The following DDX17 variants were observed in gnomAD, a reference collection of about 807,000 sequenced individuals.
The protein encoded by DDX17 is probable ATP-dependent RNA helicase DDX17.
A neutral mutation model predicts 80.8 loss-of-function variants in DDX17; 10 were observed. The ratio of observed to expected loss-of-function variants is 0.12; its 90% CI spans 0.08 to 0.21. The LOEUF (loss-of-function observed/expected upper bound fraction) is 0.21, where lower values mean the gene tolerates loss of function less well. Among genes scored for constraint, DDX17 ranks in the 10% least tolerant of loss-of-function variants. The pLI is 1.00. For synonymous variants in DDX17, 339 were observed against 336.2 expected, an observed-to-expected ratio of 1.01 and a Z score of -0.09; for missense variants, 586 against 957.4, an observed-to-expected ratio of 0.61 and a Z score of 5.12.
At position 38,493,924 on chromosome 22, in the gene DDX17, G is replaced by C. The variant is rs1048784211; in HGVS notation, c.1325+97C>G. The C allele has an allele frequency of 1.7e-5, 20 of 1,193,260 alleles. No individual in the cohort carries two copies. In the African/African-American group the frequency reaches 2.4e-4, roughly 15 times the overall value. The allele number at this position is 1,193,260 out of a possible 1,614,324, so 73.9% of individuals were successfully genotyped here. A position where few individuals can be genotyped will look rare whatever the true frequency, so the allele number is the denominator to read the frequency against. On this transcript the variant is annotated intron_variant, in intron 9 of 12. Coordinates refer to ENST00000403230, the MANE Select transcript of DDX17 (RefSeq NM_006386.5). Reference sequence around the variant, plus strand: ...ATTAAAAGAGCAAACTGCATGGATAGGCATTATTGAAATATTACACAACAT... The same window carrying C: ...ATTAAAAGAGCAAACTGCATGGATACGCATTATTGAAATATTACACAACAT...
chr22:38,487,836 G>T (rs756354463), intron 12 of DDX17, 43 bp downstream of exon 12: 1 of 1,609,898 alleles, frequency 6.2e-7, no homozygotes, highest in South Asian at 1.1e-5. Context: ...GGCGTAAAGA[G>T]ATACCTTGGC....
chr22:38,502,640 T>C (rs1602686377), intron 1 of DDX17, among the ~76,000 whole-genome samples: 1 of 152,198 alleles, frequency 6.6e-6, no homozygotes, highest in African/African-American at 2.4e-5. Flanking sequence ...AATACAAATA[T>C]GACCACTAGC....
rs1048558785 is a variant in DDX17 at position 38,489,071 on chromosome 22, CTACT to C, written c.1448-960_1448-957del. On this transcript the variant is annotated intron_variant, in intron 11 of 12. Transcript: ENST00000403230. This position sits in a 1 kb window ranked among gnomAD's most constrained non-coding sequence, Gnocchi z 4.6. ...CTTTCAGCTGAATGTATATTTTTAC[CTACT>C]TAAACAAACAATTTTAAGAATATAA... 4.6e-5 allele frequency: 45 copies of C among 984,132 alleles called. No individual in the cohort carries two copies. Among genetic ancestry groups the C allele is most frequent in the African/African-American group, 3.3e-4 (19 of 57,254 alleles). The allele number at this position is 984,132 out of a possible 1,614,324, so 61.0% of individuals were successfully genotyped here.
At position 38,506,176 on chromosome 22, in the gene DDX17, G is replaced by T. The variant is rs768727181; in HGVS notation, c.62C>A (p.Ala21Glu). 6.3e-7 allele frequency: 1 copy of T among 1,599,188 alleles called. No homozygotes were observed. The highest frequency in any genetic ancestry group is 1.3e-5 in the African/African-American group (1 of 74,504). The change falls in exon 1 of 13, where the codon GCG (alanine) becomes GAG (glutamate). Residue 21 changes from alanine to glutamate, a missense_variant. Transcript: ENST00000403230. ...TCCCGTCGCAGACGCCACCGTCGCC[G>T]CCTCTCTCGTCGGAGACGGGAGCAA...
chr22:38,502,868 A>G (rs1448448755), intron 1 of DDX17, among the ~76,000 whole-genome samples: 1 of 152,190 alleles, frequency 6.6e-6, no homozygotes, highest in Admixed American at 6.5e-5. Flanking sequence ...CATCTTATAT[A>G]AAGTTCCACT....
Position 38,489,422 on chromosome 22 carries a change from C to T in DDX17, c.1448-1307G>A, listed in dbSNP as rs2089692319. On this transcript the variant is annotated intron_variant, in intron 11 of 12. Transcript: ENST00000403230. The surrounding 1 kb of genome is among the most constrained non-coding windows in gnomAD (Gnocchi z 4.6). ...GCTCTGTGAACTGGCTTAGATGCTTCTCTGTAGCCCCATTTGGTTGCCAAG... is the reference window on the plus strand; with the variant it reads ...GCTCTGTGAACTGGCTTAGATGCTTTTCTGTAGCCCCATTTGGTTGCCAAG... 1 of 985,662 alleles carries T rather than the reference C, an allele frequency of 1.0e-6. No homozygotes were observed. The highest frequency in any genetic ancestry group is 1.1e-4 in the East Asian group (1 of 8,822). 61.1% of individuals were successfully genotyped at this position (985,662 alleles called of 1,614,324 possible).
chr22:38,496,300 T>C (rs2089766319), intron 5 of DDX17, among the ~76,000 whole-genome samples: 1 of 152,202 alleles, frequency 6.6e-6, no homozygotes. Flanking sequence ...AAAACCAAAA[T>C]GCTCCAGCAA....
chr22:38,494,264 G>C, intron 8 of DDX17, 133 bp from the exon 9 acceptor site: 1 of 651,548 alleles, frequency 1.5e-6, no homozygotes, highest in Non-Finnish European at 2.6e-6. Context: ...ATAACTATTA[G>C]AGTACTGAGT....
chr22:38,491,978 G>C, intron 11 of DDX17, 78 bp downstream of exon 11: 1 of 1,046,110 alleles, frequency 9.6e-7, no homozygotes, highest in Non-Finnish European at 1.4e-6. Context: ...TTCTAAACTT[G>C]AAGTCTGAAT....
intron 4 of DDX17, 90 bp from the exon 5 acceptor site, chr22:38,498,240 GA>G (rs2089790174): frequency 6.7e-7 from 1 of 1,497,090 alleles, no homozygotes; most frequent in East Asian, 2.3e-5. Context: ...GCATAAATAG[GA>G]AAGTGAAAAA....
intron 9 of DDX17, 44 bp from the exon 10 acceptor site, chr22:38,493,815 T>A: frequency 6.3e-7 from 1 of 1,590,958 alleles, no homozygotes; most frequent in South Asian, 1.1e-5. Flanking sequence ...TCTTTTAAAG[T>A]GGAGAAAATC....
rs1200591587 is a variant in DDX17, at chr22:38,483,898, GTT to G, written c.*2035_*2036del. 1 of 152,180 alleles carries G rather than the reference GTT, an allele frequency of 6.6e-6. No homozygotes were observed. The highest frequency in any genetic ancestry group is 2.4e-5 in the African/African-American group (1 of 41,440). The allele number at this position is 152,180 out of a possible 1,614,324, so 9.4% of individuals were successfully genotyped here. A position where few individuals can be genotyped will look rare whatever the true frequency, so the allele number is the denominator to read the frequency against. The stretch of plus-strand genomic sequence containing the variant: ...TTTCAGCTGTGCTCAGGCCATAATA[GTT>G]TTTGAGGTTTGGAATTTACTGTTAT... On this transcript the variant is annotated 3_prime_UTR_variant, in exon 13 of 13. Transcript: ENST00000403230.
chr22:38,486,211 G>C lies in DDX17; in HGVS notation c.1914C>G (p.Gly638=), dbSNP rs1178214491. The stretch of plus-strand genomic sequence containing the variant: ...TGCCATAAGCAGCTGCCCCATAGGT[G>C]CCTTGACCATAGGTGTATTGGCCTG... Residue 638 remains glycine, a synonymous_variant, in exon 13 of 13, where the codon GGC becomes GGG. Transcript: ENST00000403230. 6.2e-7 allele frequency: 1 copy of C among 1,613,996 alleles called. No individual in the cohort carries two copies. Among genetic ancestry groups the C allele is most frequent in the Admixed American group, 1.7e-5 (1 of 60,014 alleles).
In DDX17 at chr22:38,483,946, G is replaced by C. The variant is rs1173205917; in HGVS notation, c.*1989C>G. 2 of 152,276 alleles carry C rather than the reference G, an allele frequency of 1.3e-5. No homozygotes were observed. The highest frequency in any genetic ancestry group is 2.4e-5 in the African/African-American group (1 of 41,430). The allele number at this position is 152,276 out of a possible 1,614,324, so 9.4% of individuals were successfully genotyped here. A position where few individuals can be genotyped will look rare whatever the true frequency, so the allele number is the denominator to read the frequency against. On this transcript the variant is annotated 3_prime_UTR_variant, in exon 13 of 13. Coordinates refer to ENST00000403230, the MANE Select transcript of DDX17 (RefSeq NM_006386.5). ...GTTATTTTATGATTACAATGTCCCAGGTGGAAAAAGGGAAGCAAGCAATCC... is the reference window on the plus strand; with the variant it reads ...GTTATTTTATGATTACAATGTCCCACGTGGAAAAAGGGAAGCAAGCAATCC...
At chr22:38,498,363 G>T in intron 4 of DDX17, 77 bp downstream of exon 4, 1 of 1,581,840 alleles carries the variant, frequency 6.3e-7, no homozygotes, top group Non-Finnish European at 8.6e-7. Context: ...CTTCTACGAA[G>T]AACTGAGAAC....
chr22:38,506,040 G>A lies in DDX17; in HGVS notation c.198C>T (p.Ala66=). Residue 66 remains alanine (A), a synonymous_variant, in exon 1 of 13, where the codon GCC becomes GCT. Transcript: ENST00000403230. Reference sequence around the variant, plus strand: ...AGAGATCTGGGAGCGGGGCACGGATGGCCGGGCTCGGGAGGGCCTGCGGCT... The same window carrying A: ...AGAGATCTGGGAGCGGGGCACGGATAGCCGGGCTCGGGAGGGCCTGCGGCT... The A allele has an allele frequency of 6.3e-7, 1 of 1,586,434 alleles. No individual in the cohort carries two copies. Among genetic ancestry groups the A allele is most frequent in the East Asian group, 2.3e-5 (1 of 43,598 alleles).
In DDX17 at chr22:38,486,372, C is replaced by A; in HGVS notation, c.1753G>T (p.Asp585Tyr). 7 of 1,614,126 alleles carry A rather than the reference C, an allele frequency of 4.3e-6. No individual in the cohort carries two copies. The highest frequency in any genetic ancestry group is 5.9e-6 in the Non-Finnish European group (7 of 1,180,020). Reference sequence around the variant, plus strand: ...TCCTTGACTCCTCGAAGCCTTCGGTCACACTCATCCTGATACATCAGATTG... The same window carrying A: ...TCCTTGACTCCTCGAAGCCTTCGGTAACACTCATCCTGATACATCAGATTG... Residue 585 changes from aspartate to tyrosine, a missense_variant, in exon 13 of 13, where the codon GAC becomes TAC. By Grantham distance (160) the Asp-to-Tyr change is radical. This residue lies in a region of DDX17 where 221 missense variants were observed against 261.4 expected (regional missense o/e 0.85). Coordinates refer to ENST00000403230, the MANE Select transcript of DDX17 (RefSeq NM_006386.5).
At chr22:38,495,979 T>TTAA in intron 5 of DDX17, 42 bp from the exon 6 acceptor site, 1 of 803,316 alleles carries the variant, frequency 1.2e-6, no homozygotes, top group Non-Finnish European at 1.6e-6. Context: ...ATCCAAGGTT[T>TTAA]AAAAAAAAAA....
intron 6 of DDX17, 58 bp downstream of exon 6, chr22:38,495,738 C>A: frequency 7.4e-7 from 1 of 1,354,780 alleles, no homozygotes; most frequent in South Asian, 1.9e-5. Flanking sequence ...CCAATTTCCT[C>A]CACAGGAATT....
Sources: allele counts gnomAD v4.1 joint callset (sites outside exome capture counted in the v4.1 genomes callset), GRCh38; gene constraint gnomAD v4.1.1; regional missense constraint gnomAD v4.1.1; non-coding constraint Gnocchi (gnomAD v3.1); transcripts MANE v1.5; gene names NCBI Gene and HGNC (gene_info 2026-07-23, HGNC 2026-07-21).